COP1: variants seen among roughly 807,000 people sequenced by gnomAD.
The protein encoded by COP1 is COP1 E3 ubiquitin ligase.
Under a neutral mutation model 101.3 loss-of-function variants are expected in COP1, and 24 were observed. That is an observed-to-expected ratio of 0.24 (90% CI 0.17 to 0.33). COP1 has a LOEUF of 0.33. Ranked by LOEUF, COP1 falls within the 10% of genes least tolerant of loss-of-function variation. The probability of loss-of-function intolerance (pLI) is 1.00; values close to 1 mark genes in which losing one functional copy is unlikely to be tolerated. For synonymous variants in COP1, 347 were observed against 341.9 expected (o/e 1.01, Z -0.17); for missense variants, 663 against 906.2 (o/e 0.73, Z 3.45).
chr1:176,100,388 C>CAAAA (rs56184017), intron 9 of COP1: 1 of 97,924 alleles, frequency 1.0e-5, no homozygotes, highest in African/African-American at 3.6e-5. Flanking sequence ...GACTTTGTCT[C>CAAAA]AAAAAAAAAA....
chr1:175,971,971 G>A (rs1653327033), intron 18 of COP1, among the ~76,000 whole-genome samples: 1 of 152,148 alleles, frequency 6.6e-6, no homozygotes, highest in Non-Finnish European at 1.5e-5. Flanking sequence ...GAATAGGTTT[G>A]CGGCAGCGAC....
At chr1:175,968,176 GAAT>G (rs749594178) in intron 18 of COP1, among the ~76,000 whole-genome samples, 9 of 152,152 alleles carry the variant, frequency 5.9e-5, no homozygotes, top group Non-Finnish European at 1.0e-4. Context: ...GGCAAGAGAA[GAAT>G]AATATTTCCA....
At chr1:176,102,887 G>A (rs576754234) in intron 9 of COP1, among the ~76,000 whole-genome samples, 1 of 152,274 alleles carries the variant, frequency 6.6e-6, no homozygotes, top group African/African-American at 2.4e-5. Context: ...CAAGAGGACA[G>A]CTTCAATTCC....
At chr1:176,196,080 T>G (rs779524061) in intron 1 of COP1, among the ~76,000 whole-genome samples, 2 of 152,118 alleles carry the variant, frequency 1.3e-5, no homozygotes, top group Non-Finnish European at 2.9e-5. Flanking sequence ...ATGAGAAGTA[T>G]TATGAACTGA....
chr1:175,986,516 T>C (rs1657171017), intron 18 of COP1, among the ~76,000 whole-genome samples: 1 of 151,792 alleles, frequency 6.6e-6, no homozygotes, highest in Non-Finnish European at 1.5e-5. Flanking sequence ...TAGAGGACCA[T>C]ATAGGCCACT....
intron 4 of COP1, 23 bp from the exon 5 acceptor site, chr1:176,163,011 CACA>C (rs1458845597): frequency 4.4e-6 from 7 of 1,590,152 alleles, no homozygotes; most frequent in Non-Finnish European, 6.0e-6. Flanking sequence ...AAAGAAGAAA[CACA>C]ACAACTTCCT....
At position 175,986,993 on chromosome 1, in the gene COP1, C is replaced by G; in HGVS notation, c.2083G>C (p.Asp695His). 6.2e-7 allele frequency: 1 copy of G among 1,611,548 alleles called. No individual in the cohort carries two copies. The highest frequency in any genetic ancestry group is 8.5e-7 in the Non-Finnish European group (1 of 1,179,006). The change falls in exon 18 of 20, where the codon GAT (aspartate) becomes CAT (histidine). Residue 695 changes from aspartate (D) to histidine (H), a missense_variant. Coordinates refer to ENST00000367669, the MANE Select transcript of COP1 (RefSeq NM_022457.7). ...ACAGCACTAACAAATTCATTTGTATCATCTTCTTTTCGGTCTTTGTCGAGA... is the reference window on the plus strand; with the variant it reads ...ACAGCACTAACAAATTCATTTGTATGATCTTCTTTTCGGTCTTTGTCGAGA... ...SVLDKDRKED[D>H]TNEFVSAVCW...
intron 1 of COP1, among the ~76,000 whole-genome samples, chr1:176,203,059 C>A (rs559969757): frequency 2.3e-4 from 35 of 151,960 alleles, no homozygotes; most frequent in African/African-American, 8.2e-4. Context: ...CCTTCTCGGC[C>A]GGGCGCGGTG....
intron 11 of COP1, among the ~76,000 whole-genome samples, chr1:176,054,861 T>A (rs564492328): frequency 9.9e-5 from 15 of 152,268 alleles, no homozygotes; most frequent in African/African-American, 3.6e-4. Flanking sequence ...ACCATAACTT[T>A]ACAAAAAAAA....
intron 2 of COP1, among the ~76,000 whole-genome samples, chr1:176,182,620 T>C (rs537727235): frequency 6.6e-6 from 1 of 152,302 alleles, no homozygotes; most frequent in African/African-American, 2.4e-5. Context: ...CACCTAATTT[T>C]CCAGAATAAT....
At chr1:176,192,906 A>C (rs1408125975) in intron 1 of COP1, among the ~76,000 whole-genome samples, 5 of 152,176 alleles carry the variant, frequency 3.3e-5, no homozygotes, top group African/African-American at 1.2e-4. Flanking sequence ...TCAGTAGTTA[A>C]GTTTTATTTC....
At chr1:176,093,958 G>A (rs1021660139) in intron 9 of COP1, among the ~76,000 whole-genome samples, 10 of 152,030 alleles carry the variant, frequency 6.6e-5, no homozygotes, top group African/African-American at 2.4e-4. Context: ...AGGAAGCGGA[G>A]GTTGTAGTAA....
intron 6 of COP1, among the ~76,000 whole-genome samples, chr1:176,143,354 C>G (rs1360277469): frequency 6.6e-6 from 1 of 152,094 alleles, no homozygotes; most frequent in Non-Finnish European, 1.5e-5. Context: ...GTTCAAGTAA[C>G]AGATTCAATA....
chr1:176,095,928 C>T (rs534217583), intron 9 of COP1, among the ~76,000 whole-genome samples: 1 of 152,220 alleles, frequency 6.6e-6, no homozygotes, highest in South Asian at 2.1e-4. Flanking sequence ...AAATTAAATC[C>T]TGCATTAAAT....
chr1:175,959,588 AAG>A (rs1467629614), intron 18 of COP1, among the ~76,000 whole-genome samples: 2 of 152,156 alleles, frequency 1.3e-5, no homozygotes, highest in Non-Finnish European at 2.9e-5. Flanking sequence ...TAAAATTAAT[AAG>A]AGAGTTTAGC....
chr1:176,118,428 T>A (rs1271201212), intron 8 of COP1, among the ~76,000 whole-genome samples: 1 of 152,136 alleles, frequency 6.6e-6, no homozygotes, highest in African/African-American at 2.4e-5. Flanking sequence ...GACAGAAGAT[T>A]ACAGTGACTA....
chr1:176,137,694 A>G (rs1416943479), intron 6 of COP1, among the ~76,000 whole-genome samples: 1 of 152,176 alleles, frequency 6.6e-6, no homozygotes, highest in African/African-American at 2.4e-5. Flanking sequence ...ACTATTCTTT[A>G]CTACCTATTG....
intron 5 of COP1, among the ~76,000 whole-genome samples, chr1:176,153,213 G>T (rs766026195): frequency 1.3e-4 from 20 of 152,080 alleles, no homozygotes; most frequent in Non-Finnish European, 7.3e-5. Context: ...TGGCAGCAAA[G>T]CAGGTAGGCT....
chr1:176,144,562 G>A (rs1029518849), intron 6 of COP1, among the ~76,000 whole-genome samples: 27 of 152,074 alleles, frequency 1.8e-4, no homozygotes, highest in African/African-American at 5.8e-4. Context: ...CCATGGAAAC[G>A]TACTAGCTGA....
Sources: allele counts gnomAD v4.1 joint callset (sites outside exome capture counted in the v4.1 genomes callset), GRCh38; gene constraint gnomAD v4.1.1; transcripts MANE v1.5; gene names NCBI Gene and HGNC (gene_info 2026-07-23, HGNC 2026-07-21).